The following DDTL variants were observed in gnomAD, a reference collection of about 807,000 sequenced individuals.
DDTL encodes the protein D-dopachrome tautomerase like, also known as putative D-dopachrome decarboxylase-like protein.
In DDTL, 1 loss-of-function variant was observed where a neutral mutation model predicts 1.1. That is an observed-to-expected ratio of 0.91 (90% CI 0.32 to 4.31). The LOEUF is 4.31. Ranked by LOEUF, DDTL falls within the 30% of genes most tolerant of loss-of-function variation. DDTL has a pLI of 0.17. For missense variants in DDTL, 54 were observed against 48.9 expected (o/e 1.10, Z -0.31); for synonymous variants, 21 against 16.6 (o/e 1.26, Z -0.64).
intron 2 of DDTL, among the ~76,000 whole-genome samples, 164 bp from the exon 3 acceptor site, chr22:23,971,122 T>G (rs1303166981): frequency 6.6e-6 from 1 of 152,180 alleles, no homozygotes; most frequent in Non-Finnish European, 1.5e-5. Context: ...TGGTCCCATT[T>G]TGGGGCTGAG....
intron 2 of DDTL, among the ~76,000 whole-genome samples, chr22:23,970,508 T>C (rs781192095): frequency 4.6e-5 from 7 of 151,466 alleles, no homozygotes; most frequent in African/African-American, 7.3e-5. Context: ...CAGTGAATGC[T>C]GTGATTGTGT....
intron 2 of DDTL, chr22:23,969,701 C>G: frequency 1.0e-6 from 1 of 977,958 alleles, no homozygotes; most frequent in Non-Finnish European, 1.2e-6. Context: ...AGCCTGTGAT[C>G]CAAACTACAT....
Position 23,970,452 on chromosome 22 carries a change from G to C in DDTL, c.285-834G>C, listed in dbSNP as rs562105709. 6.6e-5 allele frequency among the ~76,000 whole-genome samples: 10 copies of C among 152,136 alleles called. No individual in the cohort carries two copies. In the East Asian group the frequency reaches 1.7e-3, roughly 26 times the overall value. On this transcript the variant is annotated intron_variant, in intron 2 of 2. Transcript: ENST00000215770. ...GTGAATTGTGTGCCTGTGTGTGACG[G>C]GGAGTATGTGTGTGTGTGAGTGAAC...
chr22:23,971,315 C>T lies in DDTL; in HGVS notation c.314C>T (p.Ala105Val). 1 of 1,613,964 alleles carries T rather than the reference C, an allele frequency of 6.2e-7. No homozygotes were observed. Among genetic ancestry groups the T allele is most frequent in the Non-Finnish European group, 8.5e-7 (1 of 1,179,944 alleles). Residue 105 changes from alanine (A) to valine (V), a missense_variant, in exon 3 of 3, where the codon GCT (alanine) becomes GTT (valine). Coordinates refer to ENST00000215770, the MANE Select transcript of DDTL (RefSeq NM_001084393.2). The stretch of plus-strand genomic sequence containing the variant: ...CCTACGGTCTTATCCACCAGCCCTG[C>T]TGCCCATGGTGGCCCCAGATGCCCA... Reference protein sequence around the residue: ...RFPTVLSTSPAAHGGPRCPGE... With the variant: ...RFPTVLSTSPVAHGGPRCPGE...
chr22:23,971,703 C>G lies in DDTL; in HGVS notation c.*297C>G. 3 of 1,319,310 alleles carry G rather than the reference C, an allele frequency of 2.3e-6. No homozygotes were observed. Among genetic ancestry groups the G allele is most frequent in the Non-Finnish European group, 3.2e-6 (3 of 939,474 alleles). 81.7% of individuals were successfully genotyped at this position (1,319,310 alleles called of 1,614,324 possible). Reference sequence around the variant, plus strand: ...GCAAGACCCCTGCCAGGTACTCCCACTGTGGGTACTCAGGACAGCCTGCCT... The same window carrying G: ...GCAAGACCCCTGCCAGGTACTCCCAGTGTGGGTACTCAGGACAGCCTGCCT... On this transcript the variant is annotated 3_prime_UTR_variant, in exon 3 of 3. Transcript: ENST00000215770.
chr22:23,970,579 G>A (rs1253200741), intron 2 of DDTL, among the ~76,000 whole-genome samples: 2 of 151,634 alleles, frequency 1.3e-5, no homozygotes, highest in East Asian at 3.9e-4. Flanking sequence ...GTGTGACTTT[G>A]TTGGATGTGA....
intron 2 of DDTL, among the ~76,000 whole-genome samples, chr22:23,970,188 C>G (rs1348591010): frequency 6.6e-6 from 1 of 152,126 alleles, no homozygotes; most frequent in African/African-American, 2.4e-5. Context: ...AGGGAACTAG[C>G]AAGGTGAGGA....
intron 2 of DDTL, among the ~76,000 whole-genome samples, chr22:23,971,077 TGGAG>T (rs1363094457): frequency 6.6e-6 from 1 of 152,116 alleles, no homozygotes; most frequent in African/African-American, 2.4e-5. Flanking sequence ...CAGCCAGTCA[TGGAG>T]GGAGTAGACT....
chr22:23,969,934 C>A, intron 2 of DDTL: 2 of 844,898 alleles, frequency 2.4e-6, no homozygotes, highest in Non-Finnish European at 2.9e-6. Context: ...AGAGCGACCT[C>A]GGCTGAACTA....
At chr22:23,970,489 TATGA>T (rs1373656459) in intron 2 of DDTL, among the ~76,000 whole-genome samples, 8 of 151,828 alleles carry the variant, frequency 5.3e-5, no homozygotes, top group Non-Finnish European at 7.4e-5. Context: ...GTGTGATGAC[TATGA>T]ATGTCAGTGA....
At chr22:23,970,550 A>AT (rs2033882888) in intron 2 of DDTL, among the ~76,000 whole-genome samples, 1 of 151,300 alleles carries the variant, frequency 6.6e-6, no homozygotes, top group Non-Finnish European at 1.5e-5. Flanking sequence ...GATTTGGTCT[A>AT]TATGTGTGAA....
intron 2 of DDTL, chr22:23,969,888 C>T: frequency 1.0e-6 from 1 of 984,380 alleles, no homozygotes; most frequent in Non-Finnish European, 1.2e-6. Flanking sequence ...GTTAAACAGT[C>T]AGTCCCAGTG....
rs377124613 is a variant in DDTL, at chr22:23,971,419, G to A, written c.*13G>A. 4.3e-6 allele frequency: 7 copies of A among 1,612,118 alleles called. No individual in the cohort carries two copies. Among genetic ancestry groups the A allele is most frequent in the African/African-American group, 2.7e-5 (2 of 74,850 alleles). On this transcript the variant is annotated 3_prime_UTR_variant, in exon 3 of 3. Coordinates refer to ENST00000215770, the MANE Select transcript of DDTL (RefSeq NM_001084393.2). ...TTATTTCATATGAGGATGAAGAAGA[G>A]GATTATGTGATCACAGGAATGTTGC...
At chr22:23,969,674 C>G in intron 2 of DDTL, 1 of 978,892 alleles carries the variant, frequency 1.0e-6, no homozygotes, top group Non-Finnish European at 1.2e-6. Flanking sequence ...ATACAATTAG[C>G]CCAGCATGGT....
chr22:23,970,857 C>T (rs563188659), intron 2 of DDTL, among the ~76,000 whole-genome samples: 4 of 152,258 alleles, frequency 2.6e-5, no homozygotes, highest in Admixed American at 2.0e-4. Context: ...AAAAGTGGTG[C>T]TACTGCCAGG....
chr22:23,970,509 G>T (rs183093330), intron 2 of DDTL, among the ~76,000 whole-genome samples: 1 of 151,486 alleles, frequency 6.6e-6, no homozygotes, highest in Non-Finnish European at 1.5e-5. Context: ...AGTGAATGCT[G>T]TGATTGTGTG....
chr22:23,971,791 G>T lies in DDTL; in HGVS notation c.*385G>T. On this transcript the variant is annotated 3_prime_UTR_variant, in exon 3 of 3. Transcript: ENST00000215770. ...TAATGATTTTCCCCAACCCCCAGCA[G>T]GGCAGTGGGACACTCAGGTGTGGGA... The T allele has an allele frequency of 1.6e-6, 1 of 644,128 alleles. No individual in the cohort carries two copies. Among genetic ancestry groups the T allele is most frequent in the African/African-American group, 1.8e-5 (1 of 54,730 alleles). The allele number at this position is 644,128 out of a possible 1,614,324, so 39.9% of individuals were successfully genotyped here.
At chr22:23,971,152 C>G in intron 2 of DDTL, 134 bp from the exon 3 acceptor site, 2 of 1,327,176 alleles carry the variant, frequency 1.5e-6, no homozygotes, top group Non-Finnish European at 2.1e-6. Flanking sequence ...CTCAGGTCAG[C>G]AGTCTGCAGG....
At chr22:23,969,826 TG>T in intron 2 of DDTL, 1 of 985,882 alleles carries the variant, frequency 1.0e-6, no homozygotes, top group Non-Finnish European at 1.2e-6. Flanking sequence ...CCTAATTGGA[TG>T]GTTTTGCTTT....
Sources: gnomAD v4.1 joint callset for allele counts (sites outside exome capture counted in the v4.1 genomes callset) on GRCh38, gnomAD v4.1.1 for gene constraint, MANE v1.5 for transcripts, NCBI Gene and HGNC (gene_info 2026-07-23, HGNC 2026-07-21) for gene names.